OBSL1: variants seen among roughly 807,000 people sequenced by gnomAD.
The protein encoded by OBSL1 is obscurin like cytoskeletal adaptor 1, also known as obscurin-like protein 1.
OBSL1 carries 160 observed loss-of-function variants against 172.0 expected under a neutral mutation model. The observed-to-expected ratio is 0.93, with a 90% CI of 0.82 to 1.06. OBSL1 has a LOEUF of 1.06. Ranked by LOEUF, OBSL1 falls within the 50% of genes least tolerant of loss-of-function variation. The pLI, the probability that OBSL1 is intolerant of heterozygous loss-of-function variation, is 0.00. For missense variants in OBSL1, 2,681 were observed against 2,715.4 expected, an observed-to-expected ratio of 0.99 and a Z score of 0.28; for synonymous variants, 1,200 against 1,196.3, an observed-to-expected ratio of 1.00 and a Z score of -0.06.
chr2:219,570,716 C>A lies in OBSL1; in HGVS notation c.517G>T (p.Asp173Tyr), dbSNP rs1206550239. 1 of 1,511,842 alleles carries A rather than the reference C, an allele frequency of 6.6e-7. No individual in the cohort carries two copies. Among genetic ancestry groups the A allele is most frequent in the Admixed American group, 2.1e-5 (1 of 48,534 alleles). The allele number at this position is 1,511,842 out of a possible 1,614,324, so 93.7% of individuals were successfully genotyped here. A position where few individuals can be genotyped will look rare whatever the true frequency, so the allele number is the denominator to read the frequency against. ...GGCTGGAGCGCGAAGTGGCTGCTGT[C>A]CCACACTTCGTCCAGGGCCATCCCG... ...KDGMALDEVW[D>Y]SSHFALQPGR... Residue 173 changes from aspartate to tyrosine, a missense_variant, in exon 1 of 21, where the codon GAC (aspartate) becomes TAC (tyrosine). Physicochemically the swap from Asp to Tyr is radical, Grantham distance 160 (BLOSUM62 -3). Transcript: ENST00000404537.
chr2:219,562,325 A>C, intron 8 of OBSL1, 77 bp downstream of exon 8: 1 of 1,544,254 alleles, frequency 6.5e-7, no homozygotes, highest in Non-Finnish European at 8.8e-7. Context: ...CCGGGGTGCT[A>C]GCTGGGGCTA....
intron 6 of OBSL1, among the ~76,000 whole-genome samples, chr2:219,564,661 G>A (rs573526827): frequency 3.9e-4 from 59 of 152,326 alleles, no homozygotes; most frequent in South Asian, 1.0e-3. Context: ...GCAAAGGCAC[G>A]CTGTGCGTGG....
intron 7 of OBSL1, chr2:219,563,068 T>G: frequency 2.0e-6 from 1 of 495,962 alleles, no homozygotes; most frequent in Non-Finnish European, 3.6e-6. Context: ...CCCTAGACTC[T>G]GCCCTACCCT....
chr2:219,570,350 A>G lies in OBSL1; in HGVS notation c.883T>C (p.Tyr295His). The G allele has an allele frequency of 6.2e-7, 1 of 1,612,930 alleles. No individual in the cohort carries two copies. The highest frequency in any genetic ancestry group is 8.5e-7 in the Non-Finnish European group (1 of 1,179,508). Residue 295 changes from tyrosine (Y) to histidine (H), a missense_variant, in exon 1 of 21, where the codon TAC becomes CAC. By Grantham distance (83) the Tyr-to-His change is moderately conservative. Coordinates refer to ENST00000404537, the MANE Select transcript of OBSL1 (RefSeq NM_015311.3). ...PLLPDRRRLMYRDRDGGFVLK... is the reference protein window; with the variant it reads ...PLLPDRRRLMHRDRDGGFVLK... ...ACGAAGCCGCCGTCGCGGTCGCGGT[A>G]CATGAGGCGGCGGCGGTCCGGGAGC...
chr2:219,558,199 T>A lies in OBSL1; in HGVS notation c.3487A>T (p.Asn1163Tyr). 6.2e-7 allele frequency: 1 copy of A among 1,608,454 alleles called. No homozygotes were observed. Among genetic ancestry groups the A allele is most frequent in the Non-Finnish European group, 8.5e-7 (1 of 1,175,694 alleles). The change falls in exon 10 of 21, where the codon AAT (asparagine) becomes TAT (tyrosine). Residue 1163 changes from asparagine (N) to tyrosine (Y), a missense_variant. By Grantham distance (143) the Asn-to-Tyr change is moderately radical (BLOSUM62 -2). Transcript: ENST00000404537. ...GAGCACCCACCAGCCAGGATGACAT[T>A]GAAGGTGATGGCCTCATGCCGGGTC... ...CETRHEAITFNVILAEPPVQF... is the reference protein window; with the variant it reads ...CETRHEAITFYVILAEPPVQF...
chr2:219,552,088 G>C (rs751091418), intron 19 of OBSL1, 24 bp downstream of exon 19: 2 of 1,580,434 alleles, frequency 1.3e-6, no homozygotes, highest in East Asian at 4.6e-5. Flanking sequence ...TACACTCTCT[G>C]TCGCTCCCAC....
At chr2:219,549,875 T>C, downstream of OBSL1, 1 of 1,602,500 alleles carries the variant, frequency 6.2e-7, no homozygotes, top group Non-Finnish European at 8.5e-7. Context: ...CTGTCTAGAC[T>C]CTGCAGTCAC....
rs774700911 is a variant in OBSL1, at chr2:219,565,438, A to G, written c.2211T>C (p.Thr737=). 3.1e-6 allele frequency: 5 copies of G among 1,613,720 alleles called. No homozygotes were observed. The South Asian group carries it at 4.4e-5, about 14-fold the overall frequency. ...TFTTSERVVL[T]CELSRVDFPA... ...GGAAGTCCACCCTTGAGAGCTCACA[A>G]GTCAGCACCACCCGCTCTGAGGTTG... Residue 737 remains threonine (T), a synonymous_variant, in exon 6 of 21, where the codon ACT becomes ACC. Coordinates refer to ENST00000404537, the MANE Select transcript of OBSL1 (RefSeq NM_015311.3).
At position 219,552,172 on chromosome 2, in the gene OBSL1, C is replaced by T; in HGVS notation, c.5353G>A (p.Ala1785Thr). The change falls in exon 19 of 21, where the codon GCC (alanine) becomes ACC (threonine). Residue 1785 changes from alanine (A) to threonine (T), a missense_variant. Ala to Thr is a moderately conservative substitution (Grantham distance 58). Transcript: ENST00000404537. ...CCCGCCTGGAAGCGGACTTCACCGG[C>T]GTCCTCGGCGCGCAGCTCGCTAAGC... is the stretch of plus-strand genomic sequence containing the variant. ...LVLSELRAEDAGEVRFQAGPA... is the reference protein window; with the variant it reads ...LVLSELRAEDTGEVRFQAGPA... 6.2e-7 allele frequency: 1 copy of T among 1,611,336 alleles called. No individual in the cohort carries two copies. Among genetic ancestry groups the T allele is most frequent in the Middle Eastern group, 1.7e-4 (1 of 6,054 alleles).
Position 219,571,283 on chromosome 2 carries a change from T to A in OBSL1, c.-51A>T, listed in dbSNP as rs796511004. ...CGAACGGTGGGGGGGCAGGGGGGGG[T>A]GCGGAGGGCGAGCCGAGGCCCGGGG... On this transcript the variant is annotated 5_prime_UTR_variant, in exon 1 of 21. Transcript: ENST00000404537. 2.5e-6 allele frequency: 2 copies of A among 785,982 alleles called. No individual in the cohort carries two copies. The highest frequency in any genetic ancestry group is 1.7e-6 in the Non-Finnish European group (1 of 592,112). 48.7% of individuals were successfully genotyped at this position (785,982 alleles called of 1,614,324 possible).
rs1696555717 is a variant in OBSL1, at chr2:219,562,516, G to C, written c.2839C>G (p.Gln947Glu). Residue 947 changes from glutamine to glutamate, a missense_variant, in exon 8 of 21, where the codon CAG (glutamine) becomes GAG (glutamate). Gln to Glu is a conservative substitution (Grantham distance 29, BLOSUM62 2). Coordinates refer to ENST00000404537, the MANE Select transcript of OBSL1 (RefSeq NM_015311.3). ...EVVESPALLL[Q>E]KEDTVRRLVL... ...AGGCGGCGGACAGTGTCTTCCTTCT[G>C]CAGGAGCAGCGCGGGGCTCTCCACC... 1.2e-6 allele frequency: 2 copies of C among 1,613,978 alleles called. No homozygotes were observed. The highest frequency in any genetic ancestry group is 1.7e-6 in the Non-Finnish European group (2 of 1,179,882).
chr2:219,568,214 G>A lies in OBSL1; in HGVS notation c.1123C>T (p.Arg375Cys), dbSNP rs546549598. Residue 375 changes from arginine to cysteine, a missense_variant, in exon 2 of 21, where the codon CGT becomes TGT. Physicochemically the swap from Arg to Cys is radical, Grantham distance 180. Coordinates refer to ENST00000404537, the MANE Select transcript of OBSL1 (RefSeq NM_015311.3). The surrounding 1 kb of genome is among the most constrained non-coding windows in gnomAD (Gnocchi z 4.1). ...PNSRIPTAWFREDQRLLPCRK... is the reference protein window; with the variant it reads ...PNSRIPTAWFCEDQRLLPCRK... The stretch of plus-strand genomic sequence containing the variant: ...CAGGGCAGCAGCCGCTGGTCCTCAC[G>A]GAACCAGGCCGTGGGGATGCGGGAG... The A allele has an allele frequency of 2.9e-5, 46 of 1,613,638 alleles. No individual in the cohort carries two copies. The African/African-American group carries it at 4.3e-4, about 15-fold the overall frequency.
intron 6 of OBSL1, among the ~76,000 whole-genome samples, chr2:219,564,718 C>T (rs779973378): frequency 1.3e-5 from 2 of 152,150 alleles, no homozygotes; most frequent in African/African-American, 4.8e-5. Context: ...GAAGGAGGAT[C>T]GTTTGAGCAC....
At position 219,571,291 on chromosome 2, in the gene OBSL1, G is replaced by A. The variant is rs994579179; in HGVS notation, c.-59C>T. 246 of 832,846 alleles carry A rather than the reference G, an allele frequency of 3.0e-4. 13 individuals are homozygous for A. The highest frequency in any genetic ancestry group is 3.8e-4 in the Non-Finnish European group (242 of 629,678). The allele number at this position is 832,846 out of a possible 1,614,324, so 51.6% of individuals were successfully genotyped here. A position where few individuals can be genotyped will look rare whatever the true frequency, so the allele number is the denominator to read the frequency against. On this transcript the variant is annotated 5_prime_UTR_variant, in exon 1 of 21. Transcript: ENST00000404537. ...GGGGGGGCAGGGGGGGGTGCGGAGGGCGAGCCGAGGCCCGGGGCGGCGGGG... is the reference window on the plus strand; with the variant it reads ...GGGGGGGCAGGGGGGGGTGCGGAGGACGAGCCGAGGCCCGGGGCGGCGGGG...
rs938821546 is a variant in OBSL1 at position 219,561,818 on chromosome 2, G to A, written c.2953+584C>T. On this transcript the variant is annotated intron_variant, in intron 8 of 20. Transcript: ENST00000404537. ...GTTAGCGGCTGAAGCAGTCTGGGGAGAGGCAAAAAGCAATGGCAGGGAGGT... is the reference window on the plus strand; with the variant it reads ...GTTAGCGGCTGAAGCAGTCTGGGGAAAGGCAAAAAGCAATGGCAGGGAGGT... 4.5e-5 allele frequency: 32 copies of A among 713,722 alleles called. No individual in the cohort carries two copies. In the African/African-American group the frequency reaches 5.2e-4, roughly 12 times the overall value. The allele number at this position is 713,722 out of a possible 1,614,324, so 44.2% of individuals were successfully genotyped here. A position where few individuals can be genotyped will look rare whatever the true frequency, so the allele number is the denominator to read the frequency against.
Position 219,562,611 on chromosome 2 carries a change from C to G in OBSL1, c.2744G>C (p.Arg915Pro). The G allele has an allele frequency of 1.2e-6, 2 of 1,602,804 alleles. No homozygotes were observed. Among genetic ancestry groups the G allele is most frequent in the Non-Finnish European group, 1.7e-6 (2 of 1,175,140 alleles). The change falls in exon 8 of 21, where the codon CGT becomes CCT. Residue 915 changes from arginine to proline, a missense_variant. Arg to Pro is a moderately radical substitution (Grantham distance 103, BLOSUM62 -2). Coordinates refer to ENST00000404537, the MANE Select transcript of OBSL1 (RefSeq NM_015311.3). ...GCATAGCTCACAGGTCAGCACCACA[C>G]GCTCCAGGCGCACGGCTGCCACATA... ...KVYVAAVRLERVVLTCELCRP... is the reference protein window; with the variant it reads ...KVYVAAVRLEPVVLTCELCRP...
At chr2:219,556,839 A>G (rs1696046425) in intron 12 of OBSL1, 116 bp from the exon 13 acceptor site, 9 of 1,156,524 alleles carry the variant, frequency 7.8e-6, no homozygotes, top group African/African-American at 1.6e-5. Context: ...TTCTGTGAGG[A>G]CCTACTATGT....
chr2:219,547,859 C>T (rs1020188846), downstream of OBSL1: 7 of 1,588,662 alleles, frequency 4.4e-6, no homozygotes, highest in Non-Finnish European at 6.0e-6. Context: ...ACTCACCACC[C>T]TGGCCACCGC....
chr2:219,559,394 A>G lies in OBSL1; in HGVS notation c.3057T>C (p.Pro1019=). 6.2e-7 allele frequency: 1 copy of G among 1,613,934 alleles called. No individual in the cohort carries two copies. The highest frequency in any genetic ancestry group is 1.6e-4 in the Middle Eastern group (1 of 6,062). ...LMCELSREDA[P]VRWYKDGLEV... is the part of the protein sequence containing the mutation. Reference sequence around the variant, plus strand: ...CCAGCCCATCCTTGTACCAGCGCACAGGGGCATCCTCCCGAGACAGTTCAC... The same window carrying G: ...CCAGCCCATCCTTGTACCAGCGCACGGGGGCATCCTCCCGAGACAGTTCAC... The change falls in exon 9 of 21, where the codon CCT becomes CCC. Residue 1019 remains proline (P), a synonymous_variant. Coordinates refer to ENST00000404537, the MANE Select transcript of OBSL1 (RefSeq NM_015311.3).
Sources: gnomAD v4.1 joint callset for allele counts (sites outside exome capture counted in the v4.1 genomes callset) on GRCh38, gnomAD v4.1.1 for gene constraint, Gnocchi (gnomAD v3.1) non-coding constraint, MANE v1.5 for transcripts, NCBI Gene and HGNC (gene_info 2026-07-23, HGNC 2026-07-21) for gene names.